The following ARB2A variants were observed in gnomAD, a reference collection of about 807,000 sequenced individuals.
ARB2A encodes ARB2 cotranscriptional regulator A.
At chr5:94,058,200 TA>T in the ARB2A span, among the ~76,000 whole-genome samples, 2 of 151,814 alleles carry the variant, frequency 1.3e-5, 1 homozygote, top group East Asian at 3.9e-4. Context: ...ATATTATAAA[TA>T]CCTGTCAGAA....
chr5:93,849,782 AT>A, the ARB2A span, among the ~76,000 whole-genome samples: 1 of 152,166 alleles, frequency 6.6e-6, no homozygotes, highest in South Asian at 2.1e-4. Flanking sequence ...CTATTTTAAA[AT>A]TTAAGAGAAT....
At chr5:93,970,677 T>C in the ARB2A span, among the ~76,000 whole-genome samples, 124 of 152,304 alleles carry the variant, frequency 8.1e-4, 4 homozygotes, top group South Asian at 0.025. Flanking sequence ...TGGTTCTAAA[T>C]GGCAGAATGA....
the ARB2A span, among the ~76,000 whole-genome samples, chr5:93,837,553 T>C: frequency 6.6e-6 from 1 of 152,082 alleles, no homozygotes; most frequent in Non-Finnish European, 1.5e-5. Flanking sequence ...CTGAGTTTTT[T>C]TGAAACTCAG....
At chr5:94,019,023 C>A in the ARB2A span, among the ~76,000 whole-genome samples, 3 of 152,156 alleles carry the variant, frequency 2.0e-5, no homozygotes, top group Non-Finnish European at 4.4e-5. Context: ...CTACAACCAT[C>A]TGATCTTTGA....
At chr5:93,978,363 C>A in the ARB2A span, among the ~76,000 whole-genome samples, 1 of 152,216 alleles carries the variant, frequency 6.6e-6, no homozygotes, top group Middle Eastern at 3.4e-3. Flanking sequence ...AGAGTCAACC[C>A]AGGTGTCCAT....
the ARB2A span, among the ~76,000 whole-genome samples, chr5:93,781,694 T>G: frequency 5.3e-5 from 8 of 151,990 alleles, no homozygotes; most frequent in Non-Finnish European, 7.4e-5. Context: ...ACATCTGTTT[T>G]TTTTTTTTTT....
the ARB2A span, among the ~76,000 whole-genome samples, chr5:93,783,144 T>C: frequency 6.6e-6 from 1 of 152,128 alleles, no homozygotes; most frequent in Non-Finnish European, 1.5e-5. Context: ...AGGAAGTTTT[T>C]AGTTTGAGCC....
At chr5:93,891,425 C>T in the ARB2A span, among the ~76,000 whole-genome samples, 1 of 152,050 alleles carries the variant, frequency 6.6e-6, no homozygotes, top group Non-Finnish European at 1.5e-5. Flanking sequence ...TTTTCATTCA[C>T]ATAATCATAA....
At chr5:93,954,605 G>A in the ARB2A span, among the ~76,000 whole-genome samples, 2 of 151,912 alleles carry the variant, frequency 1.3e-5, no homozygotes, top group Non-Finnish European at 1.5e-5. Flanking sequence ...GGGGAGGGGT[G>A]GCACAAGGAC....
At chr5:94,037,740 A>C in the ARB2A span, among the ~76,000 whole-genome samples, 3 of 152,166 alleles carry the variant, frequency 2.0e-5, no homozygotes, top group African/African-American at 7.2e-5. Flanking sequence ...AATTATACAC[A>C]GAAAATCACA....
chr5:93,706,183 G>A, the ARB2A span, among the ~76,000 whole-genome samples: 1 of 152,132 alleles, frequency 6.6e-6, no homozygotes, highest in Admixed American at 6.5e-5. Flanking sequence ...TAAATGTGGT[G>A]TATCTATACA....
At chr5:93,721,955 C>A in the ARB2A span, among the ~76,000 whole-genome samples, 1 of 152,142 alleles carries the variant, frequency 6.6e-6, no homozygotes, top group Non-Finnish European at 1.5e-5. Context: ...TTGCTATATG[C>A]AGAAACTACC....
chr5:93,795,860 AAAATC>A, the ARB2A span, among the ~76,000 whole-genome samples: 1 of 152,194 alleles, frequency 6.6e-6, no homozygotes, highest in Admixed American at 6.5e-5. Flanking sequence ...AAAAAAAAAA[AAAATC>A]AAAATCACAA....
At chr5:94,016,833 TG>T in the ARB2A span, among the ~76,000 whole-genome samples, 1 of 152,098 alleles carries the variant, frequency 6.6e-6, no homozygotes, top group East Asian at 1.9e-4. Flanking sequence ...AGGTAGGGAT[TG>T]GGGGTTGGGA....
chr5:94,053,377 T>C, the ARB2A span: 9 of 516,452 alleles, frequency 1.7e-5, no homozygotes, highest in African/African-American at 1.2e-4. Context: ...ATTCCCAAAA[T>C]ACTATATTAT....
At chr5:93,724,800 GAAC>G in the ARB2A span, among the ~76,000 whole-genome samples, 1 of 151,950 alleles carries the variant, frequency 6.6e-6, no homozygotes, top group East Asian at 1.9e-4. Context: ...AGTAAGAGAT[GAAC>G]AACAGTAAGT....
At chr5:93,733,478 AG>A in the ARB2A span, 1 of 152,078 alleles carries the variant, frequency 6.6e-6, no homozygotes, top group Non-Finnish European at 1.5e-5. Context: ...GGATTACAGG[AG>A]TGAGCCACTG....
chr5:93,751,212 GAAAT>G, the ARB2A span, among the ~76,000 whole-genome samples: 1,066 of 151,842 alleles, frequency 7.0e-3, 11 homozygotes, highest in African/African-American at 0.025. Flanking sequence ...TAGAATTTAA[GAAAT>G]TATATAATAC....
chr5:94,065,145 T>C, the ARB2A span, among the ~76,000 whole-genome samples: 3 of 152,342 alleles, frequency 2.0e-5, no homozygotes, highest in Admixed American at 1.3e-4. Flanking sequence ...TTTTAAAACA[T>C]GGCCCAACTA....
Sources: allele counts gnomAD v4.1 joint callset (sites outside exome capture counted in the v4.1 genomes callset), GRCh38; gene constraint gnomAD v4.1.1; transcripts MANE v1.5; gene names NCBI Gene and HGNC (gene_info 2026-07-23, HGNC 2026-07-21).